The following RPL3L variants were observed in gnomAD, a reference collection of about 807,000 sequenced individuals.
The protein encoded by RPL3L is ribosomal protein L3 like, also known as ribosomal protein uL3-like.
In RPL3L, 44 loss-of-function variants were observed where a neutral mutation model predicts 44.5. The observed-to-expected ratio is 0.99, with a 90% CI of 0.78 to 1.27. The LOEUF (loss-of-function observed/expected upper bound fraction) is 1.27, where lower values mean the gene tolerates loss of function less well. Among genes scored for constraint, RPL3L ranks in the 50% most tolerant of loss-of-function variants. The probability of loss-of-function intolerance (pLI) is 0.00; values close to 1 mark genes in which losing one functional copy is unlikely to be tolerated. For synonymous variants in RPL3L, 292 were observed against 230.7 expected, an observed-to-expected ratio of 1.27 and a Z score of -2.41; for missense variants, 631 against 569.1, an observed-to-expected ratio of 1.11 and a Z score of -1.11.
intron 9 of RPL3L, 43 bp from the exon 10 acceptor site, chr16:1,944,936 C>T: frequency 1.3e-6 from 2 of 1,530,272 alleles, no homozygotes; most frequent in Middle Eastern, 3.5e-4. Context: ...GTCACTCTGG[C>T]CAGAAACACG....
rs535778455 is a variant in RPL3L at position 1,946,515 on chromosome 16, G to A, written c.951+110C>T. 2.7e-5 allele frequency: 31 copies of A among 1,139,266 alleles called. No homozygotes were observed. In the South Asian group the frequency reaches 3.1e-4, roughly 11 times the overall value. The allele number at this position is 1,139,266 out of a possible 1,614,324, so 70.6% of individuals were successfully genotyped here. A position where few individuals can be genotyped will look rare whatever the true frequency, so the allele number is the denominator to read the frequency against. On this transcript the variant is annotated intron_variant, in intron 7 of 9. Coordinates refer to ENST00000268661, the MANE Select transcript of RPL3L (RefSeq NM_005061.3). ...CTTGGGGCAGGGAGCGTCCAGCTGA[G>A]GCTGGGGCATGCCCCCTACATGTAT...
intron 4 of RPL3L, among the ~76,000 whole-genome samples, chr16:1,948,533 T>C (rs2083142833): frequency 6.6e-6 from 1 of 151,852 alleles, no homozygotes; most frequent in South Asian, 2.1e-4. Context: ...CTGATTTTTA[T>C]TTTTTTATAT....
Position 1,947,483 on chromosome 16 carries a change from T to C in RPL3L, c.502-103A>G, listed in dbSNP as rs547986712. 2.6e-5 allele frequency: 34 copies of C among 1,318,056 alleles called. No individual in the cohort carries two copies. The African/African-American group carries it at 4.4e-4, about 17-fold the overall frequency. The allele number at this position is 1,318,056 out of a possible 1,614,324, so 81.6% of individuals were successfully genotyped here. ...ACCCCTGCCGCCTTCCACGCATGCATTCATTCACAGGTGTTCCCAGGATCA... is the reference window on the plus strand; with the variant it reads ...ACCCCTGCCGCCTTCCACGCATGCACTCATTCACAGGTGTTCCCAGGATCA... On this transcript the variant is annotated intron_variant, in intron 4 of 9. Coordinates refer to ENST00000268661, the MANE Select transcript of RPL3L (RefSeq NM_005061.3).
At position 1,952,941 on chromosome 16, in the gene RPL3L, GGAGACCTC is replaced by G; in HGVS notation, c.290_297del (p.Arg97ProfsTer13). ...TCTGCAAAGATGGTCTTGAAGCTCC[GGAGACCTC>G]GAGGGGTGGCCACGTAGCCCACCAC... On this transcript the variant is annotated frameshift_variant, in exon 3 of 10. Coordinates refer to ENST00000268661, the MANE Select transcript of RPL3L (RefSeq NM_005061.3). LOFTEE classifies it high-confidence loss of function. 3 of 1,613,948 alleles carry G rather than the reference GGAGACCTC, an allele frequency of 1.9e-6. No homozygotes were observed. Among genetic ancestry groups the G allele is most frequent in the Non-Finnish European group, 2.5e-6 (3 of 1,179,988 alleles).
rs2083178752 is a variant in RPL3L at position 1,952,735 on chromosome 16, A to G, written c.365+139T>C. Reference sequence around the variant, plus strand: ...AACACACACACACACACACACAGACACTCCTACCTCCCACAGACGGTTGAG... The same window carrying G: ...AACACACACACACACACACACAGACGCTCCTACCTCCCACAGACGGTTGAG... On this transcript the variant is annotated intron_variant, in intron 3 of 9. Transcript: ENST00000268661. 22 of 947,282 alleles carry G rather than the reference A, an allele frequency of 2.3e-5. No homozygotes were observed. In the South Asian group the frequency reaches 3.4e-4, roughly 15 times the overall value. 58.7% of individuals were successfully genotyped at this position (947,282 alleles called of 1,614,324 possible). A position where few individuals can be genotyped will look rare whatever the true frequency, so the allele number is the denominator to read the frequency against.
intron 7 of RPL3L, 140 bp downstream of exon 7, chr16:1,946,485 G>A (rs2083121062): frequency 1.2e-6 from 1 of 843,280 alleles, no homozygotes; most frequent in South Asian, 1.7e-5. Flanking sequence ...CAAAAATCTT[G>A]AGCCCTTGGG....
rs749717183 is a variant in RPL3L, at chr16:1,950,937, C to T, written c.408G>A (p.Arg136=). 2.9e-5 allele frequency: 46 copies of T among 1,613,932 alleles called. No individual in the cohort carries two copies. Among genetic ancestry groups the T allele is most frequent in the Non-Finnish European group, 3.8e-5 (45 of 1,179,976 alleles). ...GCTTTTTCCCGTCTGTGTCCCGCCA[C>T]CTCTTGCAGGCCTTGGTGAAGGCTT... ...KKKAFTKACK[R]WRDTDGKKQL... Residue 136 remains arginine (R), a synonymous_variant, in exon 4 of 10, where the codon AGG becomes AGA. Coordinates refer to ENST00000268661, the MANE Select transcript of RPL3L (RefSeq NM_005061.3).
intron 6 of RPL3L, 68 bp downstream of exon 6, chr16:1,946,870 C>T: frequency 6.4e-7 from 1 of 1,562,008 alleles, no homozygotes; most frequent in Non-Finnish European, 8.7e-7. Flanking sequence ...GCACCCCACC[C>T]ACTGAGGCCA....
chr16:1,952,666 A>G lies in RPL3L; in HGVS notation c.365+208T>C, dbSNP rs1215158421. ...GCTGGGATTACAGGCGTGAGCCAGC[A>G]CGCCCAGCCTACTCATCTTTTATTG... On this transcript the variant is annotated intron_variant, in intron 3 of 9. Coordinates refer to ENST00000268661, the MANE Select transcript of RPL3L (RefSeq NM_005061.3). Among the ~76,000 whole-genome samples the G allele has an allele frequency of 2.0e-5, 3 of 152,306 alleles. No individual in the cohort carries two copies. In the East Asian group the frequency reaches 5.8e-4, roughly 29 times the overall value.
In RPL3L at chr16:1,950,938, C is replaced by T; in HGVS notation, c.407G>A (p.Arg136Lys). The T allele has an allele frequency of 6.2e-7, 1 of 1,614,050 alleles. No homozygotes were observed. Among genetic ancestry groups the T allele is most frequent in the Non-Finnish European group, 8.5e-7 (1 of 1,179,972 alleles). ...KKKAFTKACK[R>K]WRDTDGKKQL... The stretch of plus-strand genomic sequence containing the variant: ...CTTTTTCCCGTCTGTGTCCCGCCAC[C>T]TCTTGCAGGCCTTGGTGAAGGCTTT... Residue 136 changes from arginine to lysine, a missense_variant, in exon 4 of 10, where the codon AGG becomes AAG. By Grantham distance (26) the Arg-to-Lys change is conservative (BLOSUM62 2). Transcript: ENST00000268661.
At chr16:1,953,377 G>A (rs908654175) in intron 2 of RPL3L, among the ~76,000 whole-genome samples, 7 of 152,056 alleles carry the variant, frequency 4.6e-5, no homozygotes, top group Admixed American at 2.6e-4. Flanking sequence ...TCGCCACAAC[G>A]CCCAGCTAAT....
intron 2 of RPL3L, 123 bp downstream of exon 2, chr16:1,953,833 G>A (rs746908240): frequency 1.0e-4 from 103 of 1,030,118 alleles, no homozygotes; most frequent in African/African-American, 7.5e-4. Flanking sequence ...CCCAATTCCC[G>A]GGGGCGAGGC....
chr16:1,947,491 C>G, intron 4 of RPL3L, 111 bp from the exon 5 acceptor site: 1 of 1,267,000 alleles, frequency 7.9e-7, no homozygotes, highest in Non-Finnish European at 1.1e-6. Context: ...CATTCATTCA[C>G]AGGTGTTCCC....
chr16:1,951,298 C>T (rs942048211), intron 3 of RPL3L, among the ~76,000 whole-genome samples: 2 of 152,230 alleles, frequency 1.3e-5, no homozygotes, highest in African/African-American at 4.8e-5. Flanking sequence ...ACCACCCCAC[C>T]TGCCACATGG....
intron 9 of RPL3L, among the ~76,000 whole-genome samples, 191 bp from the exon 10 acceptor site, chr16:1,945,084 G>A (rs1053330814): frequency 2.0e-5 from 3 of 152,038 alleles, no homozygotes; most frequent in Non-Finnish European, 2.9e-5. Context: ...GGCCGGGCAC[G>A]GTGGCTCATG....
chr16:1,944,620 T>A lies in RPL3L; in HGVS notation c.*217A>T. On this transcript the variant is annotated 3_prime_UTR_variant, in exon 10 of 10. Transcript: ENST00000268661. ...TTTGAGTAATAATAAAACATAAAACTCCGGTCTCCCGCACAGCCAGCTCTG... is the reference window on the plus strand; with the variant it reads ...TTTGAGTAATAATAAAACATAAAACACCGGTCTCCCGCACAGCCAGCTCTG... 4 of 462,794 alleles carry A rather than the reference T, an allele frequency of 8.6e-6. No homozygotes were observed. Among genetic ancestry groups the A allele is most frequent in the Non-Finnish European group, 1.6e-5 (4 of 250,086 alleles). 28.7% of individuals were successfully genotyped at this position (462,794 alleles called of 1,614,324 possible).
At position 1,944,741 on chromosome 16, in the gene RPL3L, C is replaced by T. The variant is rs556335127; in HGVS notation, c.*96G>A. On this transcript the variant is annotated 3_prime_UTR_variant, in exon 10 of 10. Transcript: ENST00000268661. Reference sequence around the variant, plus strand: ...GTGAACCCCTTGGGCGGTTACACAGCGCTCTGAGACCTCGCAGGAAGAGTC... The same window carrying T: ...GTGAACCCCTTGGGCGGTTACACAGTGCTCTGAGACCTCGCAGGAAGAGTC... The T allele has an allele frequency of 7.2e-5, 110 of 1,531,682 alleles. No individual in the cohort carries two copies. In the African/African-American group the frequency reaches 1.3e-3, roughly 18 times the overall value. The allele number at this position is 1,531,682 out of a possible 1,614,324, so 94.9% of individuals were successfully genotyped here.
chr16:1,944,995 C>T, intron 9 of RPL3L, 102 bp from the exon 10 acceptor site: 2 of 1,438,276 alleles, frequency 1.4e-6, no homozygotes, highest in South Asian at 2.3e-5. Flanking sequence ...CCTACTGCCC[C>T]CCTAAGGCTG....
intron 4 of RPL3L, among the ~76,000 whole-genome samples, chr16:1,949,332 C>A (rs1366921556): frequency 2.2e-5 from 3 of 137,000 alleles, no homozygotes; most frequent in African/African-American, 8.3e-5. Flanking sequence ...TGGCTCACTG[C>A]AACCTCCACC....
Sources: gnomAD v4.1 joint callset for allele counts (sites outside exome capture counted in the v4.1 genomes callset) on GRCh38, gnomAD v4.1.1 for gene constraint, MANE v1.5 for transcripts, NCBI Gene and HGNC (gene_info 2026-07-23, HGNC 2026-07-21) for gene names.